EIF4G3: variants seen among roughly 807,000 people sequenced by gnomAD.
EIF4G3 encodes eukaryotic translation initiation factor 4 gamma 3.
In EIF4G3, 34 loss-of-function variants were observed where a neutral mutation model predicts 186.4. The ratio of observed to expected loss-of-function variants is 0.18; its 90% CI spans 0.14 to 0.24. EIF4G3 has a LOEUF of 0.24. EIF4G3 is among the 10% of genes least tolerant of loss of function. EIF4G3 has a pLI of 1.00. For missense variants in EIF4G3, 1,536 were observed against 1,948.5 expected, an observed-to-expected ratio of 0.79 and a Z score of 3.99; for synonymous variants, 673 against 679.5, an observed-to-expected ratio of 0.99 and a Z score of 0.15.
chr1:20,913,795 T>C lies in EIF4G3; in HGVS notation c.1664-8824A>G, dbSNP rs530336588. Reference sequence around the variant, plus strand: ...TTAAGATGAAAGTTGAGGTCAATTATTAGAATTTTTTTTTTTTTTTTTTTT... The same window carrying C: ...TTAAGATGAAAGTTGAGGTCAATTACTAGAATTTTTTTTTTTTTTTTTTTT... On this transcript the variant is annotated intron_variant, in intron 14 of 36. Coordinates refer to ENST00000602326, the MANE Select transcript of EIF4G3 (RefSeq NM_001391906.1). 2.9e-4 allele frequency among the ~76,000 whole-genome samples: 43 copies of C among 146,516 alleles called. 1 individual carries two copies. Among genetic ancestry groups the C allele is most frequent in the Admixed American group, 6.5e-4 (9 of 13,742 alleles).
chr1:20,931,869 G>A (rs1365786597), intron 14 of EIF4G3, among the ~76,000 whole-genome samples: 2 of 151,778 alleles, frequency 1.3e-5, no homozygotes, highest in Non-Finnish European at 2.9e-5. Flanking sequence ...AGGTTGCAGT[G>A]AGCCAAGATG....
At chr1:20,847,704 G>A in intron 29 of EIF4G3, 1 of 437,134 alleles carries the variant, frequency 2.3e-6, no homozygotes. Context: ...TTTCCAGGAG[G>A]CTAACTGATG....
intron 20 of EIF4G3, among the ~76,000 whole-genome samples, chr1:20,876,050 C>T (rs1346308365): frequency 6.6e-6 from 1 of 151,542 alleles, no homozygotes; most frequent in Non-Finnish European, 1.5e-5. Flanking sequence ...GGCGAAACCC[C>T]AAAACCCTAC....
At chr1:20,851,522 T>C (rs1381061766) in intron 27 of EIF4G3, 44 bp from the exon 28 acceptor site, 1 of 1,572,284 alleles carries the variant, frequency 6.4e-7, no homozygotes, top group Admixed American at 1.7e-5. Context: ...GACAAGCCCA[T>C]GTCCCCCACA....
At chr1:20,902,172 T>C (rs1363688962) in intron 15 of EIF4G3, among the ~76,000 whole-genome samples, 2 of 151,862 alleles carry the variant, frequency 1.3e-5, no homozygotes, top group Non-Finnish European at 2.9e-5. Context: ...CAAGCGATTC[T>C]CCTGCCTCAG....
Position 20,825,087 on chromosome 1 carries a change from G to A in EIF4G3, c.4368+13C>T, listed in dbSNP as rs72652913. The A allele has an allele frequency of 1.3e-6, 2 of 1,566,622 alleles. No individual in the cohort carries two copies. The highest frequency in any genetic ancestry group is 1.4e-5 in the African/African-American group (1 of 73,342). On this transcript the variant is annotated intron_variant, in intron 33 of 36. Coordinates refer to ENST00000602326, the MANE Select transcript of EIF4G3 (RefSeq NM_001391906.1). Reference sequence around the variant, plus strand: ...ACTACTATCAAACAGCAAAACATAAGCCTTGTTCTTACCTGCTCCAAAAGA... The same window carrying A: ...ACTACTATCAAACAGCAAAACATAAACCTTGTTCTTACCTGCTCCAAAAGA...
intron 8 of EIF4G3, among the ~76,000 whole-genome samples, chr1:20,981,512 T>C (rs1205326751): frequency 2.2e-5 from 3 of 134,384 alleles, no homozygotes; most frequent in East Asian, 2.0e-4. Context: ...GCACATACTG[T>C]ATATATACAT....
At chr1:21,167,366 A>G (rs553635608) in intron 2 of EIF4G3, among the ~76,000 whole-genome samples, 4 of 152,108 alleles carry the variant, frequency 2.6e-5, no homozygotes, top group East Asian at 3.9e-4. Context: ...TGATACTAAC[A>G]CTTCCTGAAA....
intron 33 of EIF4G3, among the ~76,000 whole-genome samples, chr1:20,817,879 C>G (rs1340662527): frequency 6.6e-6 from 1 of 151,860 alleles, no homozygotes; most frequent in Admixed American, 6.6e-5. Flanking sequence ...TCTTGCCATG[C>G]TGCCCAGGCT....
intron 12 of EIF4G3, among the ~76,000 whole-genome samples, chr1:20,967,942 G>A (rs1180799730): frequency 6.6e-6 from 1 of 152,048 alleles, no homozygotes; most frequent in African/African-American, 2.4e-5. Flanking sequence ...TCTGTTTCTA[G>A]ACATTAGGCT....
chr1:21,006,875 T>C (rs1282992822), intron 4 of EIF4G3, among the ~76,000 whole-genome samples: 1 of 152,192 alleles, frequency 6.6e-6, no homozygotes, highest in Non-Finnish European at 1.5e-5. Context: ...ACAATGGACA[T>C]AAGCTAACAA....
chr1:20,986,503 C>T (rs1052844227), intron 7 of EIF4G3, among the ~76,000 whole-genome samples: 1 of 152,046 alleles, frequency 6.6e-6, no homozygotes, highest in Non-Finnish European at 1.5e-5. Context: ...ATTGTACCGA[C>T]TGCATGACAG....
intron 9 of EIF4G3, 108 bp downstream of exon 9, chr1:20,980,940 C>G: frequency 1.2e-6 from 1 of 869,566 alleles, no homozygotes. Context: ...ACAGTTCACA[C>G]GTCACCGAAA....
chr1:20,911,074 A>G (rs2093115103), intron 14 of EIF4G3, among the ~76,000 whole-genome samples: 1 of 152,146 alleles, frequency 6.6e-6, no homozygotes. Flanking sequence ...CTTGTTATAG[A>G]TTGTAGGATA....
At chr1:20,915,061 C>T (rs78716506) in intron 14 of EIF4G3, among the ~76,000 whole-genome samples, 5,255 of 152,166 alleles carry the variant, frequency 0.035, 196 homozygotes, top group East Asian at 0.17. Flanking sequence ...TTATAGCAAC[C>T]GTATCTAATA....
chr1:21,030,871 T>C (rs773535644), intron 4 of EIF4G3, among the ~76,000 whole-genome samples: 5 of 151,256 alleles, frequency 3.3e-5, no homozygotes, highest in East Asian at 3.9e-4. Flanking sequence ...ACAGTTGCTA[T>C]TGGGAGGCAA....
chr1:21,001,844 C>T (rs779152170), intron 5 of EIF4G3, among the ~76,000 whole-genome samples: 45 of 152,164 alleles, frequency 3.0e-4, no homozygotes, highest in Non-Finnish European at 6.0e-4. Context: ...TAAGTTCATG[C>T]ATAAAATGAA....
chr1:20,923,885 C>T (rs2094676793), intron 14 of EIF4G3, among the ~76,000 whole-genome samples: 1 of 151,082 alleles, frequency 6.6e-6, no homozygotes, highest in Non-Finnish European at 1.5e-5. Flanking sequence ...AAAGACTTTG[C>T]CTCATTCATC....
chr1:21,116,625 G>A (rs1293591968), intron 2 of EIF4G3, among the ~76,000 whole-genome samples: 1 of 151,952 alleles, frequency 6.6e-6, no homozygotes, highest in Non-Finnish European at 1.5e-5. Flanking sequence ...GGATCACAGG[G>A]TCAGGAGTTC....
Sources: gnomAD v4.1 joint callset for allele counts (sites outside exome capture counted in the v4.1 genomes callset) on GRCh38, gnomAD v4.1.1 for gene constraint, MANE v1.5 for transcripts, NCBI Gene and HGNC (gene_info 2026-07-23, HGNC 2026-07-21) for gene names.